The following INSL6 variants were observed in gnomAD, a reference collection of about 807,000 sequenced individuals.
The protein encoded by INSL6 is insulin-like peptide INSL6.
Under a neutral mutation model 9.4 loss-of-function variants are expected in INSL6, and 16 were observed. The observed-to-expected ratio is 1.70, with a 90% CI of 1.15 to 2.59. The LOEUF (loss-of-function observed/expected upper bound fraction) is 2.59, where lower values mean the gene tolerates loss of function less well. INSL6 is among the 30% of genes most tolerant of loss of function. The pLI, the probability that INSL6 is intolerant of heterozygous loss-of-function variation, is 0.00. For synonymous variants in INSL6, 154 were observed against 96.9 expected, an observed-to-expected ratio of 1.59 and a Z score of -3.46; for missense variants, 391 against 257.3, an observed-to-expected ratio of 1.52 and a Z score of -3.56.
the INSL6 span, chr9:5,113,470 GC>G: frequency 2.7e-5 from 4 of 149,966 alleles, no homozygotes; most frequent in African/African-American, 1.0e-4. Context: ...CCTTGGCCAG[GC>G]TGGATCAGAC....
At position 5,180,771 on chromosome 9, in the gene INSL6, G is replaced by A. The variant is rs114429273; in HGVS notation, c.289+4543C>T. 2.9e-3 allele frequency among the ~76,000 whole-genome samples: 445 copies of A among 152,184 alleles called. 1 individual carries two copies. Among genetic ancestry groups the A allele is most frequent in the African/African-American group, 9.7e-3 (403 of 41,510 alleles). ...AACCTTTATCAGTAGTTCTGCTTTTGCCCTTTCCCTTGTGATCTTTATTGG... is the reference window on the plus strand; with the variant it reads ...AACCTTTATCAGTAGTTCTGCTTTTACCCTTTCCCTTGTGATCTTTATTGG... On this transcript the variant is annotated intron_variant, in intron 1 of 1. Coordinates refer to ENST00000381641, the MANE Select transcript of INSL6 (RefSeq NM_007179.3).
intron 2 of INSL6, among the ~76,000 whole-genome samples, chr9:5,148,818 A>G (rs1824652955): frequency 6.6e-6 from 1 of 152,148 alleles, no homozygotes; most frequent in Non-Finnish European, 1.5e-5. Context: ...AGGCTGTCAG[A>G]ATGTACTCAG....
At chr9:5,072,471 T>G in the INSL6 span, 2 of 1,505,042 alleles carry the variant, frequency 1.3e-6, no homozygotes, top group South Asian at 2.7e-5. Context: ...CATTCTTTTC[T>G]TTTACCTTTT....
the INSL6 span, among the ~76,000 whole-genome samples, chr9:5,038,361 A>C: frequency 6.6e-6 from 1 of 152,318 alleles, no homozygotes; most frequent in East Asian, 1.9e-4. Context: ...ACATTAAAAA[A>C]ATTATTACTA....
intron 2 of INSL6, among the ~76,000 whole-genome samples, chr9:5,146,118 T>C (rs906852001): frequency 6.7e-6 from 1 of 149,710 alleles, no homozygotes; most frequent in Non-Finnish European, 1.5e-5. Context: ...AACCTTTGGG[T>C]TTTTTTTTTC....
the INSL6 span, among the ~76,000 whole-genome samples, chr9:5,007,770 A>G: frequency 5.3e-5 from 8 of 151,674 alleles, no homozygotes; most frequent in Non-Finnish European, 1.2e-4. Flanking sequence ...CCCAGGCTGA[A>G]CTGCAGTGGT....
chr9:5,046,494 C>G, the INSL6 span, among the ~76,000 whole-genome samples: 1 of 151,934 alleles, frequency 6.6e-6, no homozygotes, highest in African/African-American at 2.4e-5. Flanking sequence ...TGTTATGAAC[C>G]TTTCTTTCTG....
At chr9:5,140,190 A>G (rs1824469912) in intron 2 of INSL6, among the ~76,000 whole-genome samples, 1 of 152,162 alleles carries the variant, frequency 6.6e-6, no homozygotes, top group Non-Finnish European at 1.5e-5. Flanking sequence ...CCTAGAATCA[A>G]TACTGCAAAA....
the INSL6 span, chr9:5,097,128 T>G: frequency 1.1e-4 from 16 of 152,170 alleles, no homozygotes; most frequent in African/African-American, 3.6e-4. Flanking sequence ...TGGCAGGTAT[T>G]CTATTTTAGG....
At chr9:5,107,349 C>T in the INSL6 span, among the ~76,000 whole-genome samples, 254 of 152,176 alleles carry the variant, frequency 1.7e-3, 1 homozygote, top group Non-Finnish European at 2.6e-3. Flanking sequence ...GCAGATTTGA[C>T]CCAATAACCT....
chr9:5,138,902 A>C (rs1824436420), intron 2 of INSL6, among the ~76,000 whole-genome samples: 1 of 133,920 alleles, frequency 7.5e-6, no homozygotes, highest in South Asian at 2.3e-4. Flanking sequence ...TTATATAGTC[A>C]CAAAAAAAAT....
chr9:5,075,361 A>T, the INSL6 span, among the ~76,000 whole-genome samples: 1 of 152,206 alleles, frequency 6.6e-6, no homozygotes, highest in Non-Finnish European at 1.5e-5. Context: ...ACAGCTAGAG[A>T]GGAGAAGTCA....
the INSL6 span, among the ~76,000 whole-genome samples, chr9:5,037,953 T>G: frequency 6.6e-6 from 1 of 152,200 alleles, no homozygotes; most frequent in Non-Finnish European, 1.5e-5. Flanking sequence ...AAACAGTGTA[T>G]CCATTTAACA....
At chr9:5,134,927 T>C (rs771036695) in intron 2 of INSL6, among the ~76,000 whole-genome samples, 2 of 152,150 alleles carry the variant, frequency 1.3e-5, no homozygotes, top group Non-Finnish European at 2.9e-5. Flanking sequence ...CAGTGTGCTG[T>C]GTTCAGGAGA....
the INSL6 span, chr9:5,081,778 C>G: frequency 1.9e-6 from 3 of 1,604,808 alleles, no homozygotes; most frequent in Admixed American, 3.3e-5. Flanking sequence ...GATAGGTGCC[C>G]TGGGGTTTTC....
chr9:5,075,755 G>A, the INSL6 span, among the ~76,000 whole-genome samples: 1 of 152,194 alleles, frequency 6.6e-6, no homozygotes, highest in African/African-American at 2.4e-5. Context: ...GGATCAAGGA[G>A]TTATTTCAAC....
At chr9:5,167,963 C>A (rs1434144024) in intron 1 of INSL6, among the ~76,000 whole-genome samples, 2 of 152,150 alleles carry the variant, frequency 1.3e-5, no homozygotes, top group African/African-American at 4.8e-5. Context: ...GGACTCCCAG[C>A]AAACTGCAGC....
intron 3 of INSL6, among the ~76,000 whole-genome samples, chr9:5,131,008 C>A (rs1436649292): frequency 6.6e-6 from 1 of 152,018 alleles, no homozygotes; most frequent in Non-Finnish European, 1.5e-5. Flanking sequence ...GGATTACAGG[C>A]GTGAGCCACC....
chr9:5,055,799 T>C, the INSL6 span: 1 of 1,604,548 alleles, frequency 6.2e-7, no homozygotes, highest in Non-Finnish European at 8.5e-7. Flanking sequence ...GTAAGTTTGC[T>C]TTATGATTGA....
Sources: allele counts gnomAD v4.1 joint callset (sites outside exome capture counted in the v4.1 genomes callset), GRCh38; gene constraint gnomAD v4.1.1; transcripts MANE v1.5; gene names NCBI Gene and HGNC (gene_info 2026-07-23, HGNC 2026-07-21).